The following LUZP2 variants were observed in gnomAD, a reference collection of about 807,000 sequenced individuals.
LUZP2 encodes leucine zipper protein 2.
Under a neutral mutation model 51.6 loss-of-function variants are expected in LUZP2, and 52 were observed. The ratio of observed to expected loss-of-function variants is 1.01; its 90% CI spans 0.81 to 1.27. The LOEUF (loss-of-function observed/expected upper bound fraction) is 1.27. Ranked by LOEUF, LUZP2 falls within the 50% of genes most tolerant of loss-of-function variation. The probability of loss-of-function intolerance (pLI) is 0.00; values close to 1 mark genes in which losing one functional copy is unlikely to be tolerated. For synonymous variants in LUZP2, 154 were observed against 137.3 expected (o/e 1.12, Z -0.85); for missense variants, 436 against 395.4 (o/e 1.10, Z -0.87).
intron 7 of LUZP2, among the ~76,000 whole-genome samples, chr11:24,932,695 A>G (rs1014859966): frequency 2.1e-4 from 32 of 151,868 alleles, no homozygotes; most frequent in Non-Finnish European, 4.4e-5. Flanking sequence ...GCAGGTAAGC[A>G]GGACTGAGAA....
intron 1 of LUZP2, among the ~76,000 whole-genome samples, chr11:24,642,567 T>A (rs1304936858): frequency 6.6e-6 from 1 of 151,920 alleles, no homozygotes; most frequent in Admixed American, 6.5e-5. Flanking sequence ...AATAATTTTA[T>A]GTGAAAGCAT....
At chr11:24,725,878 T>G (rs1858457295) in intron 1 of LUZP2, among the ~76,000 whole-genome samples, 1 of 152,114 alleles carries the variant, frequency 6.6e-6, no homozygotes, top group South Asian at 2.1e-4. Flanking sequence ...AGGGGGAATT[T>G]AGACACAGAG....
intron 9 of LUZP2, among the ~76,000 whole-genome samples, chr11:25,042,118 AT>A (rs1385715676): frequency 6.6e-6 from 1 of 152,122 alleles, no homozygotes; most frequent in Non-Finnish European, 1.5e-5. Flanking sequence ...TCATATATCA[AT>A]TTGTTAAAAT....
rs774365047 is a variant in LUZP2, at chr11:24,561,052, A to G, written c.62+63747A>G. 5.9e-5 allele frequency among the ~76,000 whole-genome samples: 9 copies of G among 152,250 alleles called. No homozygotes were observed. In the South Asian group the frequency reaches 6.2e-4, roughly 11 times the overall value. ...AACTGCACAGCTCTAAAGGAAATAC[A>G]CTCACTTCAAATTTGACAAACAATG... On this transcript the variant is annotated intron_variant, in intron 1 of 11. Transcript: ENST00000336930.
At chr11:24,523,150 T>A (rs940157798) in intron 1 of LUZP2, among the ~76,000 whole-genome samples, 6 of 152,058 alleles carry the variant, frequency 3.9e-5, no homozygotes, top group Non-Finnish European at 8.8e-5. Flanking sequence ...TTCTGGAATG[T>A]GCTTTTATTA....
rs552155321 is a variant in LUZP2, at chr11:24,801,335, T to G, written c.396+38027T>G. Among the ~76,000 whole-genome samples, 47 of 152,204 alleles carry G rather than the reference T, an allele frequency of 3.1e-4. No homozygotes were observed. The South Asian group carries it at 8.1e-3, about 26-fold the overall frequency. ...TCTCAAAGCTTTCTGAATGCTCCAT[T>G]AAAGACACATTTTATTCAGGTTTTC... On this transcript the variant is annotated intron_variant, in intron 5 of 11. Transcript: ENST00000336930.
chr11:24,881,851 A>G (rs1307822932), intron 5 of LUZP2, among the ~76,000 whole-genome samples: 1 of 152,088 alleles, frequency 6.6e-6, no homozygotes, highest in Non-Finnish European at 1.5e-5. Flanking sequence ...TACTTTTTAA[A>G]AATATGTATA....
intron 4 of LUZP2, among the ~76,000 whole-genome samples, chr11:24,749,111 A>G (rs960139508): frequency 1.2e-4 from 19 of 152,198 alleles, no homozygotes; most frequent in Non-Finnish European, 2.2e-4. Context: ...TGTAGTTAGA[A>G]AATGTATGTA....
intron 5 of LUZP2, among the ~76,000 whole-genome samples, chr11:24,794,735 C>T (rs1206946479): frequency 6.6e-6 from 1 of 151,920 alleles, no homozygotes; most frequent in Non-Finnish European, 1.5e-5. Context: ...ATAATATTTT[C>T]TAATTTATTC....
intron 6 of LUZP2, among the ~76,000 whole-genome samples, chr11:24,908,483 G>A (rs1051405762): frequency 4.6e-5 from 7 of 152,020 alleles, no homozygotes; most frequent in South Asian, 2.1e-4. Context: ...TAATTTTGCC[G>A]TGAAATCTTC....
chr11:24,734,649 G>A (rs1858858273), intron 3 of LUZP2, among the ~76,000 whole-genome samples: 2 of 151,744 alleles, frequency 1.3e-5, no homozygotes, highest in Admixed American at 6.6e-5. Context: ...TTCGTTTTTT[G>A]CTGTTTACCT....
intron 5 of LUZP2, among the ~76,000 whole-genome samples, chr11:24,764,509 A>C: frequency 6.8e-6 from 1 of 148,132 alleles, no homozygotes; most frequent in East Asian, 2.0e-4. Context: ...AAAAAAAAAA[A>C]AAAAAAATTA....
rs182434783 is a variant in LUZP2 at position 24,871,864 on chromosome 11, T to A, written c.397-34127T>A. Reference sequence around the variant, plus strand: ...CTATATGTACAACATGCTATGCAGTTACGTTAGGAAATAATTTCCCCAAAC... The same window carrying A: ...CTATATGTACAACATGCTATGCAGTAACGTTAGGAAATAATTTCCCCAAAC... On this transcript the variant is annotated intron_variant, in intron 5 of 11. Transcript: ENST00000336930. 3.0e-4 allele frequency among the ~76,000 whole-genome samples: 45 copies of A among 152,240 alleles called. 1 individual carries two copies. Among genetic ancestry groups the A allele is most frequent in the African/African-American group, 1.0e-3 (43 of 41,548 alleles).
chr11:24,629,106 T>G (rs1433611786), intron 1 of LUZP2, among the ~76,000 whole-genome samples: 1 of 152,130 alleles, frequency 6.6e-6, no homozygotes. Context: ...TCTATACATT[T>G]ATGGGATACA....
intron 5 of LUZP2, among the ~76,000 whole-genome samples, chr11:24,859,902 C>T (rs977626609): frequency 2.0e-5 from 3 of 152,206 alleles, no homozygotes; most frequent in East Asian, 1.9e-4. Context: ...CCCCAGAACA[C>T]GCTGTCTTAC....
intron 9 of LUZP2, among the ~76,000 whole-genome samples, chr11:25,020,633 C>G (rs530737794): frequency 6.6e-6 from 1 of 152,076 alleles, no homozygotes; most frequent in Non-Finnish European, 1.5e-5. Flanking sequence ...TTTGATTCTA[C>G]ATTTAATCAC....
At chr11:24,889,890 G>A (rs558407016) in intron 5 of LUZP2, among the ~76,000 whole-genome samples, 16 of 152,298 alleles carry the variant, frequency 1.1e-4, no homozygotes, top group Non-Finnish European at 1.3e-4. Context: ...ATGTTGTGGA[G>A]TGACAGTCTT....
At chr11:24,597,988 C>A (rs542303194) in intron 1 of LUZP2, among the ~76,000 whole-genome samples, 1 of 151,780 alleles carries the variant, frequency 6.6e-6, no homozygotes, top group Non-Finnish European at 1.5e-5. Context: ...GTAATCCCAG[C>A]TGCTTGAGAG....
At chr11:24,916,337 A>C (rs577623342) in intron 7 of LUZP2, among the ~76,000 whole-genome samples, 1 of 150,784 alleles carries the variant, frequency 6.6e-6, no homozygotes, top group African/African-American at 2.4e-5. Context: ...TATTTTTTTT[A>C]TTTTCTTTTA....
Sources: allele counts gnomAD v4.1 joint callset (sites outside exome capture counted in the v4.1 genomes callset), GRCh38; gene constraint gnomAD v4.1.1; transcripts MANE v1.5; gene names NCBI Gene and HGNC (gene_info 2026-07-23, HGNC 2026-07-21).